ETS1: variants seen among roughly 807,000 people sequenced by gnomAD.
ETS1 encodes protein C-ets-1.
A neutral mutation model predicts 58.6 loss-of-function variants in ETS1; 15 were observed. The ratio of observed to expected loss-of-function variants is 0.26; its 90% CI spans 0.17 to 0.39. ETS1 has a LOEUF of 0.39. ETS1 is among the 10% of genes least tolerant of loss of function. The pLI, the probability that ETS1 is intolerant of heterozygous loss-of-function variation, is 1.00. For synonymous variants in ETS1, 214 were observed against 218.2 expected (o/e 0.98, Z 0.17); for missense variants, 417 against 610.5 (o/e 0.68, Z 3.34).
chr11:128,480,068 TC>T (rs1411110234), intron 8 of ETS1, 122 bp downstream of exon 8: 3 of 1,287,312 alleles, frequency 2.3e-6, no homozygotes, highest in Non-Finnish European at 2.1e-6. Context: ...GAGAGACTTC[TC>T]CCCCGTGCCC....
In ETS1 at chr11:128,463,929, T is replaced by A. The variant is rs775625428; in HGVS notation, c.1124-302A>T. 4.8e-6 allele frequency: 1 copy of A among 206,262 alleles called. No individual in the cohort carries two copies. The highest frequency in any genetic ancestry group is 9.9e-6 in the Non-Finnish European group (1 of 101,302). 12.8% of individuals were successfully genotyped at this position (206,262 alleles called of 1,614,324 possible). A position where few individuals can be genotyped will look rare whatever the true frequency, so the allele number is the denominator to read the frequency against. On this transcript the variant is annotated intron_variant, in intron 8 of 9. Transcript: ENST00000392668. This position sits in a 1 kb window ranked among gnomAD's most constrained non-coding sequence, Gnocchi z 4.1. ...TTCTAGAAAGAGAACACTGTGCCTA[T>A]CCTCTGGGATATTCTAAGGCAGCAT...
chr11:128,578,882 G>A (rs1189599739), intron 1 of ETS1, among the ~76,000 whole-genome samples: 39 of 152,024 alleles, frequency 2.6e-4, no homozygotes, highest in East Asian at 1.9e-4. Flanking sequence ...TCTTATTATC[G>A]TATAATTAAT....
intron 2 of ETS1, 74 bp downstream of exon 2, chr11:128,572,988 C>T: frequency 8.3e-7 from 1 of 1,204,750 alleles, no homozygotes; most frequent in Non-Finnish European, 1.2e-6. Context: ...TACTGGGGGT[C>T]AGGATACAGG....
chr11:128,564,486 G>C (rs964486868), intron 2 of ETS1, among the ~76,000 whole-genome samples: 8 of 152,028 alleles, frequency 5.3e-5, no homozygotes, highest in Admixed American at 1.3e-4. Flanking sequence ...GGACCCCCTG[G>C]GGAAGCACAC....
At chr11:128,558,810 A>G (rs756856464) in intron 2 of ETS1, among the ~76,000 whole-genome samples, 2 of 152,234 alleles carry the variant, frequency 1.3e-5, no homozygotes, top group Non-Finnish European at 2.9e-5. Flanking sequence ...TGGATTCCCA[A>G]CAATAAGCAG....
At position 128,461,072 on chromosome 11, in the gene ETS1, A is replaced by T. The variant is rs537212976; in HGVS notation, c.*1289T>A. 1 of 152,700 alleles carries T rather than the reference A, an allele frequency of 6.5e-6. No homozygotes were observed. The highest frequency in any genetic ancestry group is 1.5e-5 in the Non-Finnish European group (1 of 68,050). The allele number at this position is 152,700 out of a possible 1,614,324, so 9.5% of individuals were successfully genotyped here. On this transcript the variant is annotated 3_prime_UTR_variant, in exon 10 of 10. Coordinates refer to ENST00000392668, the MANE Select transcript of ETS1 (RefSeq NM_001143820.2). ...TCAGCAAGTCTAAACTCTTCAACTT[A>T]GGTCGTGTCTCAAGTTACTTTTTCA...
chr11:128,584,941 A>AGAAG (rs1864945118), intron 1 of ETS1, among the ~76,000 whole-genome samples: 1 of 15,220 alleles, frequency 6.6e-5, no homozygotes, highest in Non-Finnish European at 1.1e-4. Context: ...AAAAGAGAAA[A>AGAAG]GAAAGAAAGA....
In ETS1 at chr11:128,480,074, G is replaced by A. The variant is rs548010220; in HGVS notation, c.1123+117C>T. On this transcript the variant is annotated intron_variant, in intron 8 of 9. Coordinates refer to ENST00000392668, the MANE Select transcript of ETS1 (RefSeq NM_001143820.2). Reference sequence around the variant, plus strand: ...GAATTCTTAGAGAGACTTCTCCCCCGTGCCCTGCAAAAGGGAGTCTCTCGT... The same window carrying A: ...GAATTCTTAGAGAGACTTCTCCCCCATGCCCTGCAAAAGGGAGTCTCTCGT... 5.4e-5 allele frequency: 73 copies of A among 1,344,654 alleles called. No individual in the cohort carries two copies. The East Asian group carries it at 7.4e-4, about 14-fold the overall frequency. 83.3% of individuals were successfully genotyped at this position (1,344,654 alleles called of 1,614,324 possible).
At chr11:128,522,125 T>G in intron 3 of ETS1, 6 of 1,306,332 alleles carry the variant, frequency 4.6e-6, no homozygotes, top group Admixed American at 3.7e-5. Flanking sequence ...AATCTCAAAT[T>G]CCCGCTGCCT....
chr11:128,557,154 T>A (rs1204756714), intron 2 of ETS1, among the ~76,000 whole-genome samples: 1 of 152,232 alleles, frequency 6.6e-6, no homozygotes, highest in Non-Finnish European at 1.5e-5. Flanking sequence ...CTCTATCACT[T>A]ACCAACATGG....
intron 8 of ETS1, among the ~76,000 whole-genome samples, chr11:128,478,498 G>C (rs1414628432): frequency 6.6e-6 from 1 of 151,548 alleles, no homozygotes; most frequent in Non-Finnish European, 1.5e-5. Context: ...CAGAAGAGAG[G>C]GTGGGCAGGC....
intron 1 of ETS1, among the ~76,000 whole-genome samples, chr11:128,579,851 G>A (rs1185345646): frequency 2.0e-5 from 3 of 152,030 alleles, no homozygotes; most frequent in Admixed American, 6.6e-5. Flanking sequence ...TGAAGACTCA[G>A]AGTATCTCCT....
At chr11:128,544,339 TAATATATA>T (rs1864098881) in intron 3 of ETS1, among the ~76,000 whole-genome samples, 1 of 67,226 alleles carries the variant, frequency 1.5e-5, no homozygotes, top group African/African-American at 6.0e-5. Context: ...AATTGTTTAC[TAATATATA>T]TATATATATA....
At chr11:128,472,219 G>T (rs534281496) in intron 8 of ETS1, among the ~76,000 whole-genome samples, 1 of 152,110 alleles carries the variant, frequency 6.6e-6, no homozygotes, top group African/African-American at 2.4e-5. Flanking sequence ...AAACTCCACC[G>T]CCTCAGCTCT....
intron 7 of ETS1, among the ~76,000 whole-genome samples, chr11:128,483,008 A>G (rs761841278): frequency 6.6e-6 from 1 of 152,232 alleles, no homozygotes; most frequent in Non-Finnish European, 1.5e-5. Context: ...AATAACAATC[A>G]GCTAACAGTA....
intron 3 of ETS1, among the ~76,000 whole-genome samples, chr11:128,512,906 GCTGCTTCAC>G (rs1863428240): frequency 6.6e-6 from 1 of 152,256 alleles, no homozygotes; most frequent in Non-Finnish European, 1.5e-5. Flanking sequence ...AGCTGGACTA[GCTGCTTCAC>G]CTACTGAATG....
intron 2 of ETS1, among the ~76,000 whole-genome samples, chr11:128,558,361 C>T (rs1241111496): frequency 1.3e-5 from 2 of 152,096 alleles, no homozygotes; most frequent in African/African-American, 4.8e-5. Flanking sequence ...AAAATGTTTC[C>T]TGGCCGGGCG....
At position 128,567,247 on chromosome 11, in the gene ETS1, G is replaced by A. The variant is rs185873881; in HGVS notation, c.69+5815C>T. The stretch of plus-strand genomic sequence containing the variant: ...CCCACTGGAACTGCACAGGAGGGAC[G>A]GAGGCCAATGCCCAGAGCTGGCAAT... On this transcript the variant is annotated intron_variant, in intron 2 of 9. Transcript: ENST00000392668. Among the ~76,000 whole-genome samples the A allele has an allele frequency of 7.0e-4, 107 of 152,286 alleles. 1 individual carries two copies. In the East Asian group the frequency reaches 0.019, roughly 27 times the overall value.
At chr11:128,514,779 A>G (rs1389507179) in intron 3 of ETS1, among the ~76,000 whole-genome samples, 1 of 152,236 alleles carries the variant, frequency 6.6e-6, no homozygotes, top group African/African-American at 2.4e-5. Context: ...GGCAAGGAGT[A>G]GAAACAACAG....
Sources: gnomAD v4.1 joint callset for allele counts (sites outside exome capture counted in the v4.1 genomes callset) on GRCh38, gnomAD v4.1.1 for gene constraint, Gnocchi (gnomAD v3.1) non-coding constraint, MANE v1.5 for transcripts, NCBI Gene and HGNC (gene_info 2026-07-23, HGNC 2026-07-21) for gene names.